Variants in GRK4 observed in about 807,000 individuals in gnomAD.
The protein encoded by GRK4 is G protein-coupled receptor kinase 2-like.
A neutral mutation model predicts 77.9 loss-of-function variants in GRK4; 73 were observed. The ratio of observed to expected loss-of-function variants is 0.94; its 90% CI spans 0.78 to 1.14. The LOEUF is 1.14. Among genes scored for constraint, GRK4 ranks in the 50% most tolerant of loss-of-function variants. The pLI is 0.00. For synonymous variants in GRK4, 257 were observed against 254.4 expected (o/e 1.01, Z -0.10); for missense variants, 729 against 700.2 (o/e 1.04, Z -0.46).
intron 1 of GRK4, among the ~76,000 whole-genome samples, chr4:2,982,564 T>A (rs1455687431): frequency 2.6e-5 from 4 of 152,248 alleles, no homozygotes; most frequent in African/African-American, 9.6e-5. Context: ...TTGTAGATCA[T>A]GCTTGTTTTC....
chr4:3,023,717 A>G (rs1218234977), intron 10 of GRK4, among the ~76,000 whole-genome samples: 1 of 152,204 alleles, frequency 6.6e-6, no homozygotes, highest in East Asian at 1.9e-4. Flanking sequence ...TGGGGAGGGC[A>G]CTAAGCGAAG....
chr4:3,028,011 A>G lies in GRK4; in HGVS notation c.1060+10A>G, dbSNP rs1738062699. On this transcript the variant is annotated intron_variant, in intron 11 of 15. Coordinates refer to ENST00000398052, the MANE Select transcript of GRK4 (RefSeq NM_182982.3). The stretch of plus-strand genomic sequence containing the variant: ...ACAGTCGGCTACATGGGTTCGTGAG[A>G]GGCTTTCGGCGTCCTTGTCCTTTCT... 2 of 1,612,900 alleles carry G rather than the reference A, an allele frequency of 1.2e-6. No homozygotes were observed. The highest frequency in any genetic ancestry group is 1.3e-5 in the African/African-American group (1 of 74,874).
chr4:2,981,490 G>T (rs982987870), intron 1 of GRK4, among the ~76,000 whole-genome samples: 6 of 152,172 alleles, frequency 3.9e-5, no homozygotes, highest in Non-Finnish European at 8.8e-5. Flanking sequence ...ACCTGGAGTG[G>T]GTAGCTCCTA....
At chr4:2,976,827 C>T (rs537564616) in intron 1 of GRK4, among the ~76,000 whole-genome samples, 1 of 152,156 alleles carries the variant, frequency 6.6e-6, no homozygotes, top group Admixed American at 6.5e-5. Flanking sequence ...TTAGTAGATA[C>T]AGGGTTCCTC....
intron 5 of GRK4, 56 bp downstream of exon 5, chr4:3,004,390 A>G (rs1347201182): frequency 8.8e-7 from 1 of 1,137,530 alleles, no homozygotes; most frequent in Non-Finnish European, 1.3e-6. Flanking sequence ...CCCAAAACAG[A>G]CAGCTTTCAG....
chr4:3,003,924 A>G (rs756016887), intron 4 of GRK4, among the ~76,000 whole-genome samples: 4 of 152,098 alleles, frequency 2.6e-5, no homozygotes, highest in Non-Finnish European at 5.9e-5. Context: ...GAGTTTCACC[A>G]TGTTGGCTGG....
intron 3 of GRK4, among the ~76,000 whole-genome samples, chr4:2,991,424 G>A (rs547439353): frequency 3.9e-4 from 59 of 152,316 alleles, no homozygotes; most frequent in African/African-American, 1.4e-3. Context: ...TGCCCAGTTG[G>A]CATATCGAAG....
At chr4:2,997,334 A>C (rs887867811) in intron 4 of GRK4, among the ~76,000 whole-genome samples, 4 of 152,222 alleles carry the variant, frequency 2.6e-5, no homozygotes, top group Admixed American at 2.0e-4. Flanking sequence ...AAACCACATG[A>C]TTATCTTAAT....
chr4:2,992,511 C>T (rs528266954), intron 4 of GRK4, among the ~76,000 whole-genome samples: 13 of 152,022 alleles, frequency 8.6e-5, no homozygotes, highest in Middle Eastern at 3.4e-3. Context: ...GAGACCATCT[C>T]TACAAAAAAA....
intron 1 of GRK4, among the ~76,000 whole-genome samples, chr4:2,977,536 G>A (rs1721582805): frequency 6.6e-6 from 1 of 152,202 alleles, no homozygotes; most frequent in Non-Finnish European, 1.5e-5. Context: ...TCTGTTGTTT[G>A]TGGAGCAATA....
intron 10 of GRK4, among the ~76,000 whole-genome samples, chr4:3,025,907 T>G (rs1234098825): frequency 1.3e-5 from 2 of 152,202 alleles, no homozygotes; most frequent in Non-Finnish European, 2.9e-5. Context: ...GTAGACCACA[T>G]GTATTGTCCT....
At chr4:2,982,580 G>A (rs1433089019) in intron 1 of GRK4, among the ~76,000 whole-genome samples, 2 of 152,226 alleles carry the variant, frequency 1.3e-5, no homozygotes, top group East Asian at 1.9e-4. Context: ...TTTTCCACTT[G>A]TGGAATCTAG....
chr4:2,989,096 C>T (rs1012213471), intron 3 of GRK4, among the ~76,000 whole-genome samples: 9 of 151,906 alleles, frequency 5.9e-5, no homozygotes, highest in African/African-American at 1.2e-4. Context: ...GCAGGGGAAT[C>T]ACTTGAACCA....
intron 3 of GRK4, among the ~76,000 whole-genome samples, chr4:2,991,700 C>T (rs571441666): frequency 6.6e-6 from 1 of 151,920 alleles, no homozygotes; most frequent in East Asian, 2.0e-4. Context: ...TTAGTACAGA[C>T]GGGTTTTCAC....
At chr4:2,990,702 C>T (rs2109659300) in intron 3 of GRK4, among the ~76,000 whole-genome samples, 1 of 152,282 alleles carries the variant, frequency 6.6e-6, no homozygotes, top group African/African-American at 2.4e-5. Context: ...TACTGTTCTT[C>T]CTTACGTTAA....
intron 8 of GRK4, among the ~76,000 whole-genome samples, chr4:3,014,672 C>T (rs541758533): frequency 6.6e-6 from 1 of 152,162 alleles, no homozygotes; most frequent in East Asian, 1.9e-4. Context: ...TGGCGCGTGC[C>T]TGTAGTCCCA....
chr4:2,984,134 T>A (rs1008762338), intron 1 of GRK4, among the ~76,000 whole-genome samples: 1 of 152,186 alleles, frequency 6.6e-6, no homozygotes, highest in African/African-American at 2.4e-5. Context: ...AGGGAGGGAC[T>A]TGGTCTTTTT....
intron 13 of GRK4, among the ~76,000 whole-genome samples, chr4:3,037,102 TGA>T (rs1162316534): frequency 7.2e-6 from 1 of 138,380 alleles, no homozygotes; most frequent in Non-Finnish European, 1.6e-5. Flanking sequence ...TGTGTGTGTG[TGA>T]GAAAGAGGGA....
chr4:2,965,676 T>G lies in GRK4; in HGVS notation c.52+1554T>G, dbSNP rs1717428882. On this transcript the variant is annotated intron_variant, in intron 1 of 15. Coordinates refer to ENST00000398052, the MANE Select transcript of GRK4 (RefSeq NM_182982.3). ...GCAAAACACAGCAAGACCATCTCTT[T>G]AAAAAAGTCTAAAACAAAGACTTCA... 7.7e-5 allele frequency: 43 copies of G among 555,864 alleles called. No homozygotes were observed. The East Asian group carries it at 1.3e-3, about 17-fold the overall frequency. 34.4% of individuals were successfully genotyped at this position (555,864 alleles called of 1,614,324 possible).
Sources: gnomAD v4.1 joint callset for allele counts (sites outside exome capture counted in the v4.1 genomes callset) on GRCh38, gnomAD v4.1.1 for gene constraint, MANE v1.5 for transcripts, NCBI Gene and HGNC (gene_info 2026-07-23, HGNC 2026-07-21) for gene names.